Variants in GALK2 observed in about 807,000 individuals in gnomAD.
GALK2 encodes the protein N-acetylgalactosamine kinase.
GALK2 carries 36 observed loss-of-function variants against 52.4 expected under a neutral mutation model. That is an observed-to-expected ratio of 0.69 (90% CI 0.53 to 0.91). The LOEUF is 0.91. GALK2 is among the 40% of genes least tolerant of loss of function. The pLI, the probability that GALK2 is intolerant of heterozygous loss-of-function variation, is 0.00. For synonymous variants in GALK2, 176 were observed against 199.1 expected (o/e 0.88, Z 0.98); for missense variants, 579 against 559.1 (o/e 1.04, Z -0.36).
At chr15:49,170,943 G>A (rs1312655234) in intron 1 of GALK2, among the ~76,000 whole-genome samples, 2 of 152,082 alleles carry the variant, frequency 1.3e-5, no homozygotes, top group Non-Finnish European at 2.9e-5. Flanking sequence ...GAAATACTTC[G>A]TTCTGACTAA....
intron 2 of GALK2, among the ~76,000 whole-genome samples, chr15:49,206,911 G>T (rs1318155076): frequency 6.6e-6 from 1 of 152,128 alleles, no homozygotes; most frequent in African/African-American, 2.4e-5. Flanking sequence ...TCTTAGTCTT[G>T]TCCCAGTTCT....
chr15:49,327,238 C>T (rs1001648746), intron 9 of GALK2: 5 of 152,206 alleles, frequency 3.3e-5, no homozygotes, highest in Admixed American at 2.0e-4. Flanking sequence ...CTGATGTCAA[C>T]TTCTGAGTCC....
chr15:49,217,578 C>T (rs1383330789), intron 3 of GALK2, among the ~76,000 whole-genome samples: 2 of 152,178 alleles, frequency 1.3e-5, no homozygotes, highest in Non-Finnish European at 2.9e-5. Flanking sequence ...TGTCCTTGTC[C>T]GATAGGTACT....
intron 5 of GALK2, among the ~76,000 whole-genome samples, chr15:49,265,042 G>A (rs1244992831): frequency 1.3e-5 from 2 of 152,144 alleles, no homozygotes; most frequent in South Asian, 2.1e-4. Context: ...CCCACTTGAG[G>A]AGGCAGTCTG....
At position 49,250,870 on chromosome 15, in the gene GALK2, C is replaced by G. The variant is rs529676309; in HGVS notation, c.504+11503C>G. Among the ~76,000 whole-genome samples the G allele has an allele frequency of 2.6e-5, 4 of 152,202 alleles. No homozygotes were observed. The East Asian group carries it at 5.8e-4, about 22-fold the overall frequency. On this transcript the variant is annotated intron_variant, in intron 5 of 9. Transcript: ENST00000560031. ...ATAATGATATTTTTTTGAAATCCTA[C>G]TATATCCAAAGCAAACGGTTGGATT...
intron 1 of GALK2, among the ~76,000 whole-genome samples, chr15:49,163,117 G>C (rs1345558992): frequency 6.6e-6 from 1 of 152,180 alleles, no homozygotes; most frequent in African/African-American, 2.4e-5. Context: ...CAGTGCATAA[G>C]AGTTCTAGTT....
chr15:49,321,374 G>C (rs149588658), intron 9 of GALK2, among the ~76,000 whole-genome samples: 1 of 152,204 alleles, frequency 6.6e-6, no homozygotes, highest in African/African-American at 2.4e-5. Context: ...CATATAGGCC[G>C]TGTAGGCCAT....
intron 7 of GALK2, among the ~76,000 whole-genome samples, chr15:49,286,291 A>G (rs1304763751): frequency 6.6e-6 from 1 of 152,204 alleles, no homozygotes; most frequent in Non-Finnish European, 1.5e-5. Context: ...CAGGATAAAC[A>G]TTTGTTCAAT....
At chr15:49,285,664 TCA>T (rs903766516) in intron 7 of GALK2, among the ~76,000 whole-genome samples, 1 of 152,194 alleles carries the variant, frequency 6.6e-6, no homozygotes, top group African/African-American at 2.4e-5. Context: ...GAAATTGAAC[TCA>T]GTCTTTCACA....
At chr15:49,260,707 G>A (rs1449750854) in intron 5 of GALK2, among the ~76,000 whole-genome samples, 3 of 151,516 alleles carry the variant, frequency 2.0e-5, no homozygotes, top group African/African-American at 2.4e-5. Context: ...TAGGTCTAAC[G>A]TTTAAGTCTT....
chr15:49,196,093 T>C (rs183713383), intron 1 of GALK2, among the ~76,000 whole-genome samples: 179 of 152,250 alleles, frequency 1.2e-3, no homozygotes, highest in Admixed American at 5.0e-3. Flanking sequence ...TTAACTTTTT[T>C]CCTAAAACCG....
chr15:49,338,080 A>G (rs2040068283), intron 3 of GALK2, among the ~76,000 whole-genome samples: 2 of 152,108 alleles, frequency 1.3e-5, no homozygotes, highest in African/African-American at 4.8e-5. Flanking sequence ...GAATTGCCAC[A>G]TTGTCTTCCA....
intron 1 of GALK2, among the ~76,000 whole-genome samples, chr15:49,200,135 T>C (rs1482976465): frequency 6.6e-6 from 1 of 152,122 alleles, no homozygotes; most frequent in African/African-American, 2.4e-5. Context: ...ATTCACAGAA[T>C]TGACTTGAGA....
chr15:49,312,151 T>G (rs1474804582), intron 8 of GALK2, among the ~76,000 whole-genome samples: 1 of 152,232 alleles, frequency 6.6e-6, no homozygotes, highest in East Asian at 1.9e-4. Context: ...TGCATCTATT[T>G]TAGCTGTGAG....
chr15:49,305,914 A>G (rs1284039086), intron 8 of GALK2, among the ~76,000 whole-genome samples: 1 of 152,212 alleles, frequency 6.6e-6, no homozygotes, highest in East Asian at 1.9e-4. Flanking sequence ...GAGTGCTGTG[A>G]AATAGCAGCA....
chr15:49,260,928 C>G, intron 5 of GALK2, among the ~76,000 whole-genome samples: 1 of 151,960 alleles, frequency 6.6e-6, no homozygotes, highest in African/African-American at 2.4e-5. Flanking sequence ...TGATCTATAT[C>G]TCTGTTTCGG....
intron 7 of GALK2, among the ~76,000 whole-genome samples, chr15:49,285,616 A>G (rs2033262751): frequency 1.3e-5 from 2 of 152,092 alleles, no homozygotes; most frequent in Admixed American, 1.3e-4. Context: ...GACCATCTTT[A>G]CTTGAATGAA....
intron 3 of GALK2, among the ~76,000 whole-genome samples, chr15:49,228,688 T>TATATATATATATATATACATATA: frequency 9.6e-5 from 1 of 10,452 alleles, no homozygotes; most frequent in South Asian, 6.3e-3. Context: ...TATATATATA[T>TATATATATATATATATACATATA]TTTTTTTTTT....
At chr15:49,210,957 TCACACACACACACACTCA>T (rs1320426885) in intron 2 of GALK2, among the ~76,000 whole-genome samples, 3 of 112,768 alleles carry the variant, frequency 2.7e-5, no homozygotes, top group Non-Finnish European at 5.4e-5. Context: ...ATGTTGGCTG[TCACACACACACACACTCA>T]CACACACACA....
Sources: allele counts gnomAD v4.1 joint callset (sites outside exome capture counted in the v4.1 genomes callset), GRCh38; gene constraint gnomAD v4.1.1; transcripts MANE v1.5; gene names NCBI Gene and HGNC (gene_info 2026-07-23, HGNC 2026-07-21).